Variants in CLRN3 observed in about 807,000 individuals in gnomAD.
The protein encoded by CLRN3 is clarin 3.
Under a neutral mutation model 16.7 loss-of-function variants are expected in CLRN3, and 12 were observed. That is an observed-to-expected ratio of 0.72 (90% CI 0.46 to 1.16). CLRN3 has a LOEUF of 1.16. Among genes scored for constraint, CLRN3 ranks in the 50% most tolerant of loss-of-function variants. The pLI is 0.00. For missense variants in CLRN3, 296 were observed against 274.2 expected, an observed-to-expected ratio of 1.08 and a Z score of -0.56; for synonymous variants, 118 against 113.0, an observed-to-expected ratio of 1.04 and a Z score of -0.28.
chr10:127,888,732 G>A (rs1336369263), intron 1 of CLRN3, among the ~76,000 whole-genome samples: 1 of 152,120 alleles, frequency 6.6e-6, no homozygotes, highest in Non-Finnish European at 1.5e-5. Flanking sequence ...CCCTCAGTCT[G>A]CCTTGCTTCC....
At chr10:127,883,926 G>C (rs1845162174) in intron 1 of CLRN3, 51 bp from the exon 2 acceptor site, 1 of 1,546,646 alleles carries the variant, frequency 6.5e-7, no homozygotes, top group Non-Finnish European at 8.9e-7. Context: ...CACCAGCTCT[G>C]GCCTGGCATT....
In CLRN3 at chr10:127,878,073, G is replaced by A; in HGVS notation, c.*76C>T. 1 of 1,522,546 alleles carries A rather than the reference G, an allele frequency of 6.6e-7. No homozygotes were observed. The highest frequency in any genetic ancestry group is 2.4e-4 in the Middle Eastern group (1 of 4,214). 94.3% of individuals were successfully genotyped at this position (1,522,546 alleles called of 1,614,324 possible). On this transcript the variant is annotated 3_prime_UTR_variant, in exon 3 of 3. Coordinates refer to ENST00000368671, the MANE Select transcript of CLRN3 (RefSeq NM_152311.5). ...GACAGTCACGTTACCATGCTGAATTGTCCAGAGAAGCTAACCAGTTACTAC... is the reference window on the plus strand; with the variant it reads ...GACAGTCACGTTACCATGCTGAATTATCCAGAGAAGCTAACCAGTTACTAC...
chr10:127,883,699 C>G lies in CLRN3; in HGVS notation c.406G>C (p.Gly136Arg). 1 of 1,611,246 alleles carries G rather than the reference C, an allele frequency of 6.2e-7. No individual in the cohort carries two copies. The highest frequency in any genetic ancestry group is 1.3e-5 in the African/African-American group (1 of 74,904). ...PTGVYTWNGL[G>R]ASFVFVTMIL... ...CGAGTCTCACAGGGCCACTCACCAC[C>G]GAGCCCGTTCCAGGTGTACACCCCC... Residue 136 changes from glycine to arginine, a missense_variant, in exon 2 of 3, where the codon GGT becomes CGT. Physicochemically the swap from Gly to Arg is moderately radical, Grantham distance 125. Coordinates refer to ENST00000368671, the MANE Select transcript of CLRN3 (RefSeq NM_152311.5).
At chr10:127,883,624 T>G in intron 2 of CLRN3, 72 bp downstream of exon 2, 1 of 1,071,268 alleles carries the variant, frequency 9.3e-7, no homozygotes, top group Non-Finnish European at 1.5e-6. Flanking sequence ...CATGCATGTG[T>G]GAGAGGCAGA....
chr10:127,879,727 C>T (rs893541575), intron 2 of CLRN3, among the ~76,000 whole-genome samples: 27 of 152,238 alleles, frequency 1.8e-4, no homozygotes, highest in African/African-American at 6.5e-4. Context: ...ATACAAAAAA[C>T]CATGGAATTG....
chr10:127,879,061 T>C (rs1353298698), intron 2 of CLRN3, among the ~76,000 whole-genome samples: 2 of 152,148 alleles, frequency 1.3e-5, no homozygotes, highest in African/African-American at 4.8e-5. Context: ...TTATTGCATG[T>C]TTATGTCTTC....
At chr10:127,890,321 C>T (rs557242370) in intron 1 of CLRN3, among the ~76,000 whole-genome samples, 4 of 152,248 alleles carry the variant, frequency 2.6e-5, no homozygotes, top group South Asian at 4.1e-4. Context: ...CTGAGCTGCC[C>T]GCACCCTCCA....
In CLRN3 at chr10:127,878,044, A is replaced by G; in HGVS notation, c.*105T>C. 7.5e-7 allele frequency: 1 copy of G among 1,330,812 alleles called. No homozygotes were observed. The highest frequency in any genetic ancestry group is 1.0e-6 in the Non-Finnish European group (1 of 961,210). 82.4% of individuals were successfully genotyped at this position (1,330,812 alleles called of 1,614,324 possible). A position where few individuals can be genotyped will look rare whatever the true frequency, so the allele number is the denominator to read the frequency against. ...TGTCATGAAACACAAATGCTGTCAC[A>G]GATGACAGTCACGTTACCATGCTGA... On this transcript the variant is annotated 3_prime_UTR_variant, in exon 3 of 3. Transcript: ENST00000368671.
intron 2 of CLRN3, among the ~76,000 whole-genome samples, chr10:127,883,230 G>A (rs1845150118): frequency 6.6e-6 from 1 of 152,180 alleles, no homozygotes; most frequent in African/African-American, 2.4e-5. Context: ...CTCTTGTCAT[G>A]TGGAGGAGGA....
chr10:127,885,102 C>T (rs1050999124), intron 1 of CLRN3, among the ~76,000 whole-genome samples: 2 of 152,128 alleles, frequency 1.3e-5, no homozygotes, highest in African/African-American at 4.8e-5. Context: ...GAACAGAAAG[C>T]GAAAAGGCCA....
chr10:127,878,480 C>A, intron 2 of CLRN3, 60 bp from the exon 3 acceptor site: 1 of 1,592,586 alleles, frequency 6.3e-7, no homozygotes, highest in Non-Finnish European at 8.6e-7. Flanking sequence ...TGTCACTTAT[C>A]TTTATGGAAC....
chr10:127,880,742 G>A (rs1845118675), intron 2 of CLRN3, among the ~76,000 whole-genome samples: 1 of 152,092 alleles, frequency 6.6e-6, no homozygotes, highest in African/African-American at 2.4e-5. Context: ...CTTTCTGTCA[G>A]AAACAAGCCA....
chr10:127,885,212 AG>A (rs1022266994), intron 1 of CLRN3, among the ~76,000 whole-genome samples: 3 of 152,324 alleles, frequency 2.0e-5, no homozygotes, highest in African/African-American at 7.2e-5. Context: ...AGTGTTTCAA[AG>A]AATTCAGAAT....
chr10:127,892,641 G>A lies in CLRN3; in HGVS notation c.144C>T (p.Ser48=). ...IAVRDSASNG[S]IFITYGLFRG... ...GAAAAAGTCCGTAAGTGATGAAAAT[G>A]CTCCCATTTGAAGCAGAGTCTCTAA... Residue 48 remains serine (S), a synonymous_variant, in exon 1 of 3, where the codon AGC becomes AGT. Coordinates refer to ENST00000368671, the MANE Select transcript of CLRN3 (RefSeq NM_152311.5). 1 of 1,612,502 alleles carries A rather than the reference G, an allele frequency of 6.2e-7. No individual in the cohort carries two copies. Among genetic ancestry groups the A allele is most frequent in the Non-Finnish European group, 8.5e-7 (1 of 1,178,514 alleles).
chr10:127,887,358 T>G (rs1845208279), intron 1 of CLRN3, among the ~76,000 whole-genome samples: 1 of 152,108 alleles, frequency 6.6e-6, no homozygotes, highest in Admixed American at 6.5e-5. Context: ...AGGAGCTGTG[T>G]CCAAGGCCCC....
At chr10:127,892,419 T>C in intron 1 of CLRN3, 137 bp downstream of exon 1, 1 of 621,084 alleles carries the variant, frequency 1.6e-6, no homozygotes, top group East Asian at 2.7e-5. Flanking sequence ...TCCAAAATTA[T>C]GAGTTAAGCT....
chr10:127,883,474 C>T (rs982005131), intron 2 of CLRN3, among the ~76,000 whole-genome samples: 1 of 152,176 alleles, frequency 6.6e-6, no homozygotes, highest in Non-Finnish European at 1.5e-5. Flanking sequence ...TTGTTATAAG[C>T]CTCCTCAGCA....
intron 1 of CLRN3, among the ~76,000 whole-genome samples, chr10:127,885,046 G>T (rs1457542648): frequency 1.3e-5 from 2 of 152,328 alleles, no homozygotes; most frequent in African/African-American, 4.8e-5. Flanking sequence ...GGTCTCCAGG[G>T]AGAGAGCCTT....
At chr10:127,891,782 TA>T (rs1459140514) in intron 1 of CLRN3, among the ~76,000 whole-genome samples, 1 of 152,240 alleles carries the variant, frequency 6.6e-6, no homozygotes, top group Non-Finnish European at 1.5e-5. Flanking sequence ...GACTGTATGA[TA>T]CCCAATAATG....
Sources: allele counts gnomAD v4.1 joint callset (sites outside exome capture counted in the v4.1 genomes callset), GRCh38; gene constraint gnomAD v4.1.1; transcripts MANE v1.5; gene names NCBI Gene and HGNC (gene_info 2026-07-23, HGNC 2026-07-21).